The following TUSC3 variants were observed in gnomAD, a reference collection of about 807,000 sequenced individuals.
TUSC3 encodes tumor suppressor candidate 3.
Under a neutral mutation model 44.8 loss-of-function variants are expected in TUSC3, and 45 were observed. The ratio of observed to expected loss-of-function variants is 1.00; its 90% CI spans 0.79 to 1.29. TUSC3 has a LOEUF of 1.29. Among genes scored for constraint, TUSC3 ranks in the 50% most tolerant of loss-of-function variants. The pLI, the probability that TUSC3 is intolerant of heterozygous loss-of-function variation, is 0.00. For missense variants in TUSC3, 519 were observed against 437.9 expected, an observed-to-expected ratio of 1.19 and a Z score of -1.65; for synonymous variants, 212 against 152.9, an observed-to-expected ratio of 1.39 and a Z score of -2.85.
intron 2 of TUSC3, among the ~76,000 whole-genome samples, chr8:15,521,614 C>T (rs971470643): frequency 1.5e-5 from 2 of 131,122 alleles, no homozygotes; most frequent in Non-Finnish European, 3.4e-5. Context: ...AGGTAATTAC[C>T]CCCCCCAAAA....
chr8:15,841,899 T>C, the TUSC3 span, among the ~76,000 whole-genome samples: 1 of 152,230 alleles, frequency 6.6e-6, no homozygotes, highest in Non-Finnish European at 1.5e-5. Flanking sequence ...ACAAGCCATA[T>C]ATACCAAATC....
intron 1 of TUSC3, among the ~76,000 whole-genome samples, chr8:15,577,494 G>C (rs1412746138): frequency 6.6e-6 from 1 of 150,788 alleles, no homozygotes; most frequent in East Asian, 2.0e-4. Context: ...TTTTGTATAA[G>C]GTGTAAGGAA....
At chr8:15,747,347 A>C (rs556624645) in intron 8 of TUSC3, among the ~76,000 whole-genome samples, 12 of 152,132 alleles carry the variant, frequency 7.9e-5, no homozygotes, top group African/African-American at 2.9e-4. Flanking sequence ...AATTCTCTGA[A>C]GTGAATAAAA....
rs184427007 is a variant in TUSC3, at chr8:15,512,726, T to A, written n.189+29243T>A. 8.4e-3 allele frequency among the ~76,000 whole-genome samples: 1,274 copies of A among 151,682 alleles called. 9 individuals are homozygous for A. The highest frequency in any genetic ancestry group is 0.012 in the Non-Finnish European group (823 of 67,936). ...AGGGAGAGGTTGCAGTGAGCTGAGA[T>A]TGCAGCACTGCATTACAGCCTGGGC... On this transcript the variant is annotated intron_variant and non_coding_transcript_variant, in intron 2 of 5. Coordinates refer to the TUSC3 transcript ENST00000503191.
chr8:15,813,590 G>T, the TUSC3 span, among the ~76,000 whole-genome samples: 1 of 152,118 alleles, frequency 6.6e-6, no homozygotes, highest in African/African-American at 2.4e-5. Context: ...GAATAAAAAT[G>T]ATAAGAAATG....
chr8:15,448,735 C>G (rs988189237), intron 1 of TUSC3, among the ~76,000 whole-genome samples: 2 of 152,010 alleles, frequency 1.3e-5, no homozygotes, highest in East Asian at 3.9e-4. Flanking sequence ...GTTTTAATTG[C>G]AGCAAAAAGA....
At chr8:15,780,422 T>G in the TUSC3 span, among the ~76,000 whole-genome samples, 2 of 152,118 alleles carry the variant, frequency 1.3e-5, no homozygotes, top group African/African-American at 4.8e-5. Flanking sequence ...CAAAGGGGAC[T>G]AGGCATACAC....
At chr8:15,742,179 T>A (rs1811225507) in intron 7 of TUSC3, among the ~76,000 whole-genome samples, 1 of 144,446 alleles carries the variant, frequency 6.9e-6, no homozygotes, top group African/African-American at 2.5e-5. Context: ...TTTCAAGCTG[T>A]GTAGCATGGA....
chr8:15,446,052 G>A (rs1011614622), intron 1 of TUSC3, among the ~76,000 whole-genome samples: 1 of 151,118 alleles, frequency 6.6e-6, no homozygotes, highest in African/African-American at 2.4e-5. Flanking sequence ...TTCTCAGAAG[G>A]GGTGGTGGGG....
chr8:15,545,535 A>G (rs866592192), intron 1 of TUSC3, among the ~76,000 whole-genome samples: 1 of 151,798 alleles, frequency 6.6e-6, no homozygotes, highest in Non-Finnish European at 1.5e-5. Flanking sequence ...GTCCAGAACA[A>G]GTCAGTCAGT....
the TUSC3 span, among the ~76,000 whole-genome samples, chr8:15,786,345 G>T: frequency 6.6e-6 from 1 of 152,098 alleles, no homozygotes; most frequent in African/African-American, 2.4e-5. Flanking sequence ...TCATCTAAAG[G>T]TACAGTCTGT....
intron 1 of TUSC3, among the ~76,000 whole-genome samples, chr8:15,431,446 G>A (rs956327327): frequency 3.3e-5 from 5 of 151,258 alleles, no homozygotes; most frequent in Non-Finnish European, 4.4e-5. Context: ...TCTTTAAATG[G>A]CGTTGTTTTC....
chr8:15,722,695 T>A (rs1810346367), intron 6 of TUSC3, among the ~76,000 whole-genome samples: 1 of 152,082 alleles, frequency 6.6e-6, no homozygotes, highest in South Asian at 2.1e-4. Flanking sequence ...TCTATATGAC[T>A]TCTGTCTGTA....
At chr8:15,566,077 G>T (rs1057363054) in intron 1 of TUSC3, among the ~76,000 whole-genome samples, 4 of 152,208 alleles carry the variant, frequency 2.6e-5, no homozygotes, top group South Asian at 2.1e-4. Context: ...TCCATCGTTT[G>T]TTAACAAAGC....
intron 5 of TUSC3, among the ~76,000 whole-genome samples, chr8:15,670,157 C>T (rs1044768592): frequency 1.3e-5 from 2 of 151,682 alleles, no homozygotes; most frequent in Admixed American, 6.6e-5. Context: ...GTAGACTCAA[C>T]GTTGTAAAGA....
chr8:15,727,025 C>T (rs538558657), intron 6 of TUSC3, among the ~76,000 whole-genome samples: 107 of 152,090 alleles, frequency 7.0e-4, no homozygotes, highest in African/African-American at 9.9e-4. Flanking sequence ...GTTACTGATA[C>T]GTCCCTCACT....
chr8:15,564,999 T>C (rs1345911279), intron 1 of TUSC3, among the ~76,000 whole-genome samples: 2 of 152,144 alleles, frequency 1.3e-5, no homozygotes, highest in South Asian at 2.1e-4. Context: ...ATGACCATTG[T>C]ATGCATTTTG....
chr8:15,678,584 T>G (rs1808287169), intron 6 of TUSC3, among the ~76,000 whole-genome samples: 1 of 152,200 alleles, frequency 6.6e-6, no homozygotes, highest in South Asian at 2.1e-4. Context: ...TAGAAAAATG[T>G]ACGCATATTT....
chr8:15,512,931 C>CATATATATATATATATAT lies in TUSC3; in HGVS notation n.189+29459_189+29476dup, dbSNP rs10696221. On this transcript the variant is annotated intron_variant and non_coding_transcript_variant, in intron 2 of 5. Transcript: ENST00000503191. ...ATATATATGTATCTATATATATAAT[C>CATATATATATATATATAT]ATATATATATATATATATATATATA... 2.7e-3 allele frequency among the ~76,000 whole-genome samples: 300 copies of CATATATATATATATATAT among 110,470 alleles called. 5 individuals are homozygous for CATATATATATATATATAT. The highest frequency in any genetic ancestry group is 0.01 in the African/African-American group (236 of 23,204). 72.5% of individuals were successfully genotyped at this position (110,470 alleles called of 152,430 possible). A position where few individuals can be genotyped will look rare whatever the true frequency, so the allele number is the denominator to read the frequency against.
Sources: allele counts gnomAD v4.1 joint callset (sites outside exome capture counted in the v4.1 genomes callset), GRCh38; gene constraint gnomAD v4.1.1; transcripts MANE v1.5; gene names NCBI Gene and HGNC (gene_info 2026-07-23, HGNC 2026-07-21).